Variants in GRM5 observed in about 807,000 individuals in gnomAD.
GRM5 encodes the protein glutamate metabotropic receptor 5.
In GRM5, 19 loss-of-function variants were observed where a neutral mutation model predicts 83.1. The ratio of observed to expected loss-of-function variants is 0.23; its 90% CI spans 0.16 to 0.34. GRM5 has a LOEUF of 0.34. Among genes scored for constraint, GRM5 ranks in the 10% least tolerant of loss-of-function variants. GRM5 has a pLI of 1.00. For missense variants in GRM5, 1,160 were observed against 1,588.3 expected (o/e 0.73, Z 4.58); for synonymous variants, 675 against 633.6 (o/e 1.07, Z -0.98).
chr11:88,844,171 G>C (rs1051743327), intron 3 of GRM5, among the ~76,000 whole-genome samples: 2 of 152,228 alleles, frequency 1.3e-5, no homozygotes, highest in African/African-American at 4.8e-5. Flanking sequence ...TCTATGAGGA[G>C]ATAATAAAAC....
Position 88,508,707 on chromosome 11 carries a change from G to A in GRM5, c.3524C>T (p.Ser1175Leu). The change falls in exon 10 of 10, where the codon TCG becomes TTG. Residue 1175 changes from serine (S) to leucine (L), a missense_variant. By Grantham distance (145) the Ser-to-Leu change is moderately radical (BLOSUM62 -2). This residue lies in a region of GRM5 where 562 missense variants were observed against 532.4 expected (regional missense o/e 1.06). Coordinates refer to ENST00000305447, the MANE Select transcript of GRM5 (RefSeq NM_001143831.3). This position sits in a 1 kb window ranked among gnomAD's most constrained non-coding sequence, Gnocchi z 4.2. ...PPSPFRDSVD[S>L]GSTTPNSPVS... ...TGGCGAGTTGGGGGTTGTGCTCCCC[G>A]AGTCCACCGAGTCTCTGAAGGGGGA... The A allele has an allele frequency of 6.2e-7, 1 of 1,600,008 alleles. No homozygotes were observed. Among genetic ancestry groups the A allele is most frequent in the Non-Finnish European group, 8.5e-7 (1 of 1,173,872 alleles).
chr11:88,618,828 C>A (rs1232734270), intron 4 of GRM5, among the ~76,000 whole-genome samples: 1 of 152,144 alleles, frequency 6.6e-6, no homozygotes, highest in Non-Finnish European at 1.5e-5. Context: ...GTAGTATTTA[C>A]TTTGTTCAAC....
intron 8 of GRM5, among the ~76,000 whole-genome samples, chr11:88,542,914 CA>C (rs935947078): frequency 5.3e-5 from 8 of 152,164 alleles, no homozygotes; most frequent in Non-Finnish European, 1.0e-4. Context: ...ACTAAAAATA[CA>C]AAATTAGCTA....
At chr11:88,937,190 T>C (rs572917207) in intron 2 of GRM5, among the ~76,000 whole-genome samples, 4 of 151,828 alleles carry the variant, frequency 2.6e-5, no homozygotes, top group Admixed American at 1.3e-4. Flanking sequence ...GGGTTTGACC[T>C]TAACATGTGG....
chr11:88,800,821 G>T (rs1315192904), intron 3 of GRM5, among the ~76,000 whole-genome samples: 1 of 152,034 alleles, frequency 6.6e-6, no homozygotes, highest in East Asian at 1.9e-4. Context: ...CTACTTTCCA[G>T]TGTGGCCATG....
At chr11:88,795,916 G>GA (rs1169096842) in intron 3 of GRM5, among the ~76,000 whole-genome samples, 1 of 152,076 alleles carries the variant, frequency 6.6e-6, no homozygotes, top group Non-Finnish European at 1.5e-5. Flanking sequence ...GATAAAAAAA[G>GA]AAAAACAATT....
rs1041395777 is a variant in GRM5 at position 88,619,723 on chromosome 11, A to C, written c.1148-14759T>G. ...TTTATTTTTAAAAAATCTGGAGTTA[A>C]ATCTTTGTGTTAGTTCTTATTCTAG... is the stretch of plus-strand genomic sequence containing the variant. On this transcript the variant is annotated intron_variant, in intron 4 of 9. Coordinates refer to ENST00000305447, the MANE Select transcript of GRM5 (RefSeq NM_001143831.3). Among the ~76,000 whole-genome samples, 6 of 152,182 alleles carry C rather than the reference A, an allele frequency of 3.9e-5. No homozygotes were observed. In the East Asian group the frequency reaches 1.2e-3, roughly 29 times the overall value.
At chr11:88,836,243 A>C (rs189846019) in intron 3 of GRM5, among the ~76,000 whole-genome samples, 2 of 152,340 alleles carry the variant, frequency 1.3e-5, no homozygotes, top group East Asian at 3.9e-4. Context: ...AAACTGTTCA[A>C]TTCTGCTATT....
chr11:88,973,956 T>C lies in GRM5; in HGVS notation c.661+73256A>G, dbSNP rs558711651. 9.7e-4 allele frequency among the ~76,000 whole-genome samples: 147 copies of C among 152,124 alleles called. 1 individual carries two copies. The highest frequency in any genetic ancestry group is 2.9e-4 in the Non-Finnish European group (20 of 68,020). On this transcript the variant is annotated intron_variant, in intron 2 of 9. Coordinates refer to ENST00000305447, the MANE Select transcript of GRM5 (RefSeq NM_001143831.3). ...GTTAAAAGCTATTGCCTGGATAACA[T>C]GAAATGGGAGGAAGATCAACACTTT...
intron 2 of GRM5, among the ~76,000 whole-genome samples, chr11:88,928,372 A>C (rs1945825859): frequency 6.6e-6 from 1 of 151,702 alleles, no homozygotes. Context: ...GATAACTGCA[A>C]CTCCAAAGAG....
chr11:88,832,493 G>A (rs191842644), intron 3 of GRM5, among the ~76,000 whole-genome samples: 22 of 152,040 alleles, frequency 1.4e-4, no homozygotes, highest in Middle Eastern at 6.8e-3. Flanking sequence ...AAGACATCCC[G>A]TATTCATAGA....
At chr11:88,524,505 A>C (rs917783582) in intron 9 of GRM5, among the ~76,000 whole-genome samples, 2 of 151,210 alleles carry the variant, frequency 1.3e-5, no homozygotes, top group African/African-American at 2.4e-5. Context: ...GGCGTGAGCC[A>C]ATGCGCCCGG....
chr11:88,537,487 G>C (rs1447031482), intron 8 of GRM5, among the ~76,000 whole-genome samples: 1 of 152,170 alleles, frequency 6.6e-6, no homozygotes, highest in Non-Finnish European at 1.5e-5. Context: ...GTTACAAAGA[G>C]AGCTGAAGGA....
At chr11:88,882,422 G>T (rs1252474101) in intron 2 of GRM5, among the ~76,000 whole-genome samples, 5 of 150,136 alleles carry the variant, frequency 3.3e-5, no homozygotes, top group Non-Finnish European at 7.4e-5. Flanking sequence ...TTAGCTGGGC[G>T]TGGTGGCATG....
At chr11:88,730,231 C>T (rs1257200349) in intron 3 of GRM5, among the ~76,000 whole-genome samples, 2 of 152,170 alleles carry the variant, frequency 1.3e-5, no homozygotes, top group African/African-American at 2.4e-5. Context: ...TGAACAGACA[C>T]TTCTCAAAAG....
intron 2 of GRM5, among the ~76,000 whole-genome samples, chr11:88,927,632 T>C (rs1253162420): frequency 6.6e-6 from 1 of 152,134 alleles, no homozygotes; most frequent in East Asian, 1.9e-4. Flanking sequence ...AGGCACTTTC[T>C]CTGGAGGAAG....
At chr11:88,556,180 G>T (rs372678813) in intron 8 of GRM5, among the ~76,000 whole-genome samples, 2 of 152,038 alleles carry the variant, frequency 1.3e-5, no homozygotes, top group Non-Finnish European at 2.9e-5. Context: ...CATGTCAGTA[G>T]CATTCTAAAG....
In GRM5 at chr11:88,567,031, T is replaced by C; in HGVS notation, c.2630+22A>G. On this transcript the variant is annotated intron_variant, in intron 8 of 9. Coordinates refer to ENST00000305447, the MANE Select transcript of GRM5 (RefSeq NM_001143831.3). The surrounding 1 kb of genome is among the most constrained non-coding windows in gnomAD (Gnocchi z 7.3). ...CTCCAGTTTTAGGGGCCAGCATCCC[T>C]GTAAGCCCCCACAACTTTTACCTTA... 2 of 1,496,432 alleles carry C rather than the reference T, an allele frequency of 1.3e-6. No homozygotes were observed. Among genetic ancestry groups the C allele is most frequent in the Non-Finnish European group, 9.2e-7 (1 of 1,089,840 alleles). 92.7% of individuals were successfully genotyped at this position (1,496,432 alleles called of 1,614,324 possible).
At chr11:88,998,773 T>C (rs1940274505) in intron 2 of GRM5, among the ~76,000 whole-genome samples, 1 of 152,186 alleles carries the variant, frequency 6.6e-6, no homozygotes, top group Admixed American at 6.5e-5. Context: ...CAAATGTATT[T>C]TTATATACTA....
Sources: gnomAD v4.1 joint callset for allele counts (sites outside exome capture counted in the v4.1 genomes callset) on GRCh38, gnomAD v4.1.1 for gene constraint, gnomAD v4.1.1 regional missense constraint, Gnocchi (gnomAD v3.1) non-coding constraint, MANE v1.5 for transcripts, NCBI Gene and HGNC (gene_info 2026-07-23, HGNC 2026-07-21) for gene names.